Variants in NEBL observed in about 807,000 individuals in gnomAD.
NEBL encodes nebulette, also known as LIM and SH3 protein 2.
In NEBL, 122 loss-of-function variants were observed where a neutral mutation model predicts 140.2. That is an observed-to-expected ratio of 0.87 (90% confidence interval 0.75 to 1.01). The LOEUF is 1.01. Among genes scored for constraint, NEBL ranks in the 50% least tolerant of loss-of-function variants. The pLI is 0.00. For synonymous variants in NEBL, 436 were observed against 398.9 expected (o/e 1.09, Z -1.11); for missense variants, 1,365 against 1,231.3 (o/e 1.11, Z -1.62).
chr10:20,854,919 GT>G (rs1255172095), intron 9 of NEBL, among the ~76,000 whole-genome samples: 3 of 151,928 alleles, frequency 2.0e-5, no homozygotes, highest in South Asian at 2.1e-4. Flanking sequence ...CTCCTCTAAT[GT>G]TTTTTTAAAA....
intron 3 of NEBL, among the ~76,000 whole-genome samples, chr10:20,984,223 G>C (rs1837164977): frequency 1.3e-5 from 2 of 151,862 alleles, no homozygotes; most frequent in Non-Finnish European, 2.9e-5. Flanking sequence ...ACTTGTGTAT[G>C]CTACATTGAT....
At chr10:21,126,047 G>T (rs371537488) in intron 2 of NEBL, 5 of 1,614,158 alleles carry the variant, frequency 3.1e-6, no homozygotes, top group Non-Finnish European at 4.2e-6. Context: ...GGCCAGCTTT[G>T]CAGCCTTCTG....
At chr10:21,227,410 T>C (rs1842166824) in intron 3 of NEBL, among the ~76,000 whole-genome samples, 1 of 152,242 alleles carries the variant, frequency 6.6e-6, no homozygotes, top group African/African-American at 2.4e-5. Context: ...AAATGCCATA[T>C]GGCACATTTC....
chr10:21,191,817 G>A (rs1160779589), intron 3 of NEBL, among the ~76,000 whole-genome samples: 2 of 152,158 alleles, frequency 1.3e-5, no homozygotes, highest in African/African-American at 4.8e-5. Context: ...TTGTAAATAT[G>A]ACATGCTTTC....
At chr10:21,169,560 A>G (rs1307501954) in intron 2 of NEBL, among the ~76,000 whole-genome samples, 1 of 152,148 alleles carries the variant, frequency 6.6e-6, no homozygotes, top group Non-Finnish European at 1.5e-5. Flanking sequence ...TTTTCAGACT[A>G]CAGACTGACA....
intron 2 of NEBL, among the ~76,000 whole-genome samples, chr10:21,101,420 T>C (rs1327832534): frequency 6.6e-6 from 1 of 152,098 alleles, no homozygotes; most frequent in African/African-American, 2.4e-5. Flanking sequence ...CTGGTAGTAG[T>C]TTTCACTCCT....
At chr10:20,834,602 G>A (rs747673603) in intron 14 of NEBL, among the ~76,000 whole-genome samples, 16 of 152,192 alleles carry the variant, frequency 1.1e-4, no homozygotes, top group Non-Finnish European at 2.2e-4. Context: ...TCAGTCCTGA[G>A]TCAGCTCTTC....
At chr10:20,986,369 T>C (rs1262962233) in intron 3 of NEBL, among the ~76,000 whole-genome samples, 3 of 152,246 alleles carry the variant, frequency 2.0e-5, no homozygotes, top group Non-Finnish European at 2.9e-5. Context: ...AGCAAAATAA[T>C]TAAGCCAAAA....
chr10:20,808,401 T>C lies in NEBL; in HGVS notation c.2761+109A>G, dbSNP rs1345646604. Reference sequence around the variant, plus strand: ...CTGAACTTAATTTTAAATTCTCAAATACAGCCAGGATAGATGTTCATGCAA... The same window carrying C: ...CTGAACTTAATTTTAAATTCTCAAACACAGCCAGGATAGATGTTCATGCAA... On this transcript the variant is annotated intron_variant, in intron 26 of 27. Coordinates refer to ENST00000377122, the MANE Select transcript of NEBL (RefSeq NM_006393.3). The C allele has an allele frequency of 7.1e-6, 8 of 1,129,694 alleles. No homozygotes were observed. The African/African-American group carries it at 1.1e-4, about 15-fold the overall frequency. 70.0% of individuals were successfully genotyped at this position (1,129,694 alleles called of 1,614,324 possible).
chr10:21,060,186 C>T (rs1254798670), intron 2 of NEBL, among the ~76,000 whole-genome samples: 1 of 152,212 alleles, frequency 6.6e-6, no homozygotes, highest in Non-Finnish European at 1.5e-5. Context: ...GACAGTACAG[C>T]TGATTAAGCC....
intron 11 of NEBL, among the ~76,000 whole-genome samples, chr10:20,847,290 A>G (rs531707500): frequency 6.6e-6 from 1 of 152,336 alleles, no homozygotes; most frequent in Non-Finnish European, 1.5e-5. Context: ...TCCTCAAGAA[A>G]TGATGGTTGA....
rs745574506 is a variant in NEBL at position 20,787,229 on chromosome 10, C to T, written c.2841G>A (p.Met947Ile). The T allele has an allele frequency of 3.5e-5, 56 of 1,612,996 alleles. No homozygotes were observed. Among genetic ancestry groups the T allele is most frequent in the Non-Finnish European group, 2.9e-5 (34 of 1,179,530 alleles). Reference sequence around the variant, plus strand: ...GATTTGGTGAATGCTGCATTGATCTCATGGATGACACACTGGTCTGGTGCA... The same window carrying T: ...GATTTGGTGAATGCTGCATTGATCTTATGGATGACACACTGGTCTGGTGCA... ...GYMHQTSVSS[M>I]RSMQHSPNLR... is the part of the protein sequence containing the mutation. Residue 947 changes from methionine (M) to isoleucine (I), a missense_variant, in exon 27 of 28, where the codon ATG becomes ATA. Met to Ile is a conservative substitution (Grantham distance 10). This residue lies in a region of NEBL where 1,323 missense variants were observed against 1,154.8 expected (regional missense o/e 1.15). Transcript: ENST00000377122.
chr10:21,202,149 A>G (rs926015093), intron 3 of NEBL, among the ~76,000 whole-genome samples: 1 of 152,126 alleles, frequency 6.6e-6, no homozygotes, highest in Non-Finnish European at 1.5e-5. Context: ...TGCCCTATGC[A>G]CCCCACAAAG....
intron 1 of NEBL, among the ~76,000 whole-genome samples, chr10:21,263,393 G>A (rs148617030): frequency 1.8e-3 from 268 of 152,252 alleles, no homozygotes; most frequent in African/African-American, 6.2e-3. Flanking sequence ...TAGGGGAAAG[G>A]GAAAGGGGGC....
chr10:20,891,227 A>G (rs914401984), intron 2 of NEBL, among the ~76,000 whole-genome samples: 1 of 152,230 alleles, frequency 6.6e-6, no homozygotes, highest in Non-Finnish European at 1.5e-5. Flanking sequence ...TGCCTACCAC[A>G]TTAAACATTT....
At chr10:20,974,280 G>A (rs1188603342) in intron 3 of NEBL, among the ~76,000 whole-genome samples, 4 of 149,802 alleles carry the variant, frequency 2.7e-5, no homozygotes, top group African/African-American at 9.9e-5. Context: ...TTTAGACAGG[G>A]TCTCACTCTG....
chr10:20,860,389 A>C (rs1182186150), intron 7 of NEBL, among the ~76,000 whole-genome samples: 1 of 152,010 alleles, frequency 6.6e-6, no homozygotes, highest in Non-Finnish European at 1.5e-5. Context: ...TAAATTCAGC[A>C]GGAAAACCAT....
At chr10:21,154,767 T>C (rs751265221) in intron 2 of NEBL, among the ~76,000 whole-genome samples, 65 of 152,336 alleles carry the variant, frequency 4.3e-4, no homozygotes, top group Non-Finnish European at 5.6e-4. Flanking sequence ...AAATCTAAAA[T>C]AATTTGAAAA....
chr10:21,287,081 G>A (rs916736085), intron 1 of NEBL, among the ~76,000 whole-genome samples: 1 of 152,158 alleles, frequency 6.6e-6, no homozygotes, highest in Non-Finnish European at 1.5e-5. Context: ...ACGGGTTCCA[G>A]AAGCTGAAAA....
Sources: allele counts gnomAD v4.1 joint callset (sites outside exome capture counted in the v4.1 genomes callset), GRCh38; gene constraint gnomAD v4.1.1; regional missense constraint gnomAD v4.1.1; transcripts MANE v1.5; gene names NCBI Gene and HGNC (gene_info 2026-07-23, HGNC 2026-07-21).